PRPF6: variants seen among roughly 807,000 people sequenced by gnomAD.
The protein encoded by PRPF6 is pre-mRNA processing factor 6, also known as pre-mRNA-processing factor 6.
PRPF6 carries 42 observed loss-of-function variants against 118.3 expected under a neutral mutation model. That is an observed-to-expected ratio of 0.35 (90% CI 0.28 to 0.46). The LOEUF (loss-of-function observed/expected upper bound fraction) is 0.46. Among genes scored for constraint, PRPF6 ranks in the 20% least tolerant of loss-of-function variants. PRPF6 has a pLI of 1.00. For synonymous variants in PRPF6, 481 were observed against 485.1 expected, an observed-to-expected ratio of 0.99 and a Z score of 0.11; for missense variants, 662 against 1,255.7, an observed-to-expected ratio of 0.53 and a Z score of 7.15.
chr20:64,021,697 CGT>C lies in PRPF6; in HGVS notation c.1648-1059_1648-1058del, dbSNP rs1240719455. 2.4e-5 allele frequency among the ~76,000 whole-genome samples: 3 copies of C among 125,890 alleles called. No individual in the cohort carries two copies. In the Admixed American group the frequency reaches 2.4e-4, roughly 10 times the overall value. 82.6% of individuals were successfully genotyped at this position (125,890 alleles called of 152,430 possible). On this transcript the variant is annotated intron_variant, in intron 12 of 20. Transcript: ENST00000266079. ...GTGTCTGTGTGTGCGTGTGTGTGCA[CGT>C]ATGCATATGCCTCAGCCACAGCCCC... is the stretch of plus-strand genomic sequence containing the variant.
chr20:63,992,633 T>G (rs1046128293), intron 3 of PRPF6, among the ~76,000 whole-genome samples: 1 of 152,176 alleles, frequency 6.6e-6, no homozygotes, highest in Non-Finnish European at 1.5e-5. Flanking sequence ...CATGTCCAAA[T>G]GGAGGTATTT....
At position 64,011,131 on chromosome 20, in the gene PRPF6, T is replaced by G. The variant is rs1371963119; in HGVS notation, c.1306-154T>G. Among the ~76,000 whole-genome samples, 1 of 152,144 alleles carries G rather than the reference T, an allele frequency of 6.6e-6. No individual in the cohort carries two copies. Among genetic ancestry groups the G allele is most frequent in the Non-Finnish European group, 1.5e-5 (1 of 68,008 alleles). On this transcript the variant is annotated intron_variant, in intron 10 of 20. Transcript: ENST00000266079. This position sits in a 1 kb window ranked among gnomAD's most constrained non-coding sequence, Gnocchi z 6.7. ...AAGGAACAGTTGGTCAGGTGAGAAGTGCTGCTGTGGACACTTCTCAGGCCA... is the reference window on the plus strand; with the variant it reads ...AAGGAACAGTTGGTCAGGTGAGAAGGGCTGCTGTGGACACTTCTCAGGCCA...
At chr20:64,031,114 G>A (rs1353117104) in intron 19 of PRPF6, among the ~76,000 whole-genome samples, 3 of 152,234 alleles carry the variant, frequency 2.0e-5, no homozygotes, top group South Asian at 2.1e-4. Context: ...CAGGCACGGC[G>A]GTGTGAATCC....
intron 14 of PRPF6, among the ~76,000 whole-genome samples, 158 bp from the exon 15 acceptor site, chr20:64,025,781 G>A (rs908010867): frequency 6.6e-6 from 1 of 152,240 alleles, no homozygotes; most frequent in Non-Finnish European, 1.5e-5. Context: ...ACTGGAGTCG[G>A]CTCTGTCATC....
chr20:63,988,583 A>T (rs1031804319), intron 3 of PRPF6, among the ~76,000 whole-genome samples: 1 of 152,148 alleles, frequency 6.6e-6, no homozygotes, highest in African/African-American at 2.4e-5. Context: ...TTATTAACAG[A>T]TAGTGAAAAA....
At chr20:63,983,798 C>T (rs1440461321) in intron 2 of PRPF6, among the ~76,000 whole-genome samples, 1 of 152,014 alleles carries the variant, frequency 6.6e-6, no homozygotes, top group African/African-American at 2.4e-5. Flanking sequence ...GGATTACAGG[C>T]ATGCGCCACC....
intron 20 of PRPF6, 86 bp downstream of exon 20, chr20:64,032,130 C>T (rs1486670183): frequency 6.3e-7 from 1 of 1,596,364 alleles, no homozygotes; most frequent in Non-Finnish European, 8.5e-7. Context: ...TAGGAGGTGG[C>T]CACGGCCAGC....
intron 9 of PRPF6, among the ~76,000 whole-genome samples, chr20:64,007,317 T>G (rs2059194539): frequency 6.6e-6 from 1 of 152,128 alleles, no homozygotes; most frequent in Admixed American, 6.5e-5. Context: ...GGGCTGTTTC[T>G]CAGCAGGAGA....
rs765402454 is a variant in PRPF6 at position 64,027,090 on chromosome 20, A to G, written c.2137A>G (p.Met713Val). Residue 713 changes from methionine to valine, a missense_variant, in exon 16 of 21, where the codon ATG becomes GTG. By Grantham distance (21) the Met-to-Val change is conservative. Transcript: ENST00000266079. The surrounding 1 kb of genome is among the most constrained non-coding windows in gnomAD (Gnocchi z 6.5). Reference protein sequence around the residue: ...RHYEDFPKLWMMKGQIEEQKE... With the variant: ...RHYEDFPKLWVMKGQIEEQKE... ...CTATGAGGACTTCCCCAAGCTGTGG[A>G]TGATGAAGGGGCAGATCGAGGAGCA... The G allele has an allele frequency of 6.2e-7, 1 of 1,614,114 alleles. No homozygotes were observed. The highest frequency in any genetic ancestry group is 8.5e-7 in the Non-Finnish European group (1 of 1,180,030).
At chr20:63,997,383 C>T (rs990014441) in intron 6 of PRPF6, among the ~76,000 whole-genome samples, 6 of 149,534 alleles carry the variant, frequency 4.0e-5, no homozygotes, top group Admixed American at 1.3e-4. Flanking sequence ...CTCCGCCTCT[C>T]GGGTTCAAAT....
Position 63,981,180 on chromosome 20 carries a change from C to T in PRPF6, c.-66C>T. ...TGCATCGGACGTCGAAGCCTAGAGTCTCTGCGTCTTTCCCTCTTCCGCTGC... is the reference window on the plus strand; with the variant it reads ...TGCATCGGACGTCGAAGCCTAGAGTTTCTGCGTCTTTCCCTCTTCCGCTGC... On this transcript the variant is annotated 5_prime_UTR_variant, in exon 1 of 21. Coordinates refer to ENST00000266079, the MANE Select transcript of PRPF6 (RefSeq NM_012469.4). The T allele has an allele frequency of 6.6e-7, 1 of 1,506,014 alleles. No homozygotes were observed. Among genetic ancestry groups the T allele is most frequent in the Non-Finnish European group, 9.1e-7 (1 of 1,103,298 alleles). The allele number at this position is 1,506,014 out of a possible 1,614,324, so 93.3% of individuals were successfully genotyped here.
chr20:63,990,419 T>C (rs570614555), intron 3 of PRPF6, among the ~76,000 whole-genome samples: 1 of 152,210 alleles, frequency 6.6e-6, no homozygotes, highest in South Asian at 2.1e-4. Flanking sequence ...TATTAAATCA[T>C]TGTGCATAAA....
rs187188930 is a variant in PRPF6, at chr20:64,020,288, C to T, written c.1648-2469C>T. Among the ~76,000 whole-genome samples, 883 of 152,204 alleles carry T rather than the reference C, an allele frequency of 5.8e-3. 13 individuals carry two copies. The highest frequency in any genetic ancestry group is 0.02 in the African/African-American group (832 of 41,528). ...GAAATTAGCTGGGTGTGGTGGCAGGCGCTTGTAATCCCAGCTACTTGGGAG... is the reference window on the plus strand; with the variant it reads ...GAAATTAGCTGGGTGTGGTGGCAGGTGCTTGTAATCCCAGCTACTTGGGAG... On this transcript the variant is annotated intron_variant, in intron 12 of 20. Coordinates refer to ENST00000266079, the MANE Select transcript of PRPF6 (RefSeq NM_012469.4).
intron 9 of PRPF6, among the ~76,000 whole-genome samples, chr20:64,003,208 C>T (rs1356399664): frequency 6.6e-6 from 1 of 152,210 alleles, no homozygotes; most frequent in Non-Finnish European, 1.5e-5. Context: ...TCCCAGAGAG[C>T]TGGGATTACA....
In PRPF6 at chr20:64,028,135, G is replaced by A. The variant is rs562747108; in HGVS notation, c.2340-343G>A. On this transcript the variant is annotated intron_variant, in intron 17 of 20. Transcript: ENST00000266079. The surrounding 1 kb of genome is among the most constrained non-coding windows in gnomAD (Gnocchi z 6.5). ...GGTGCTGCGTCCAGCTCAGGGTGAC[G>A]GGGCTGGAGCACTGTGCAGGCACTG... Among the ~76,000 whole-genome samples, 6 of 152,292 alleles carry A rather than the reference G, an allele frequency of 3.9e-5. No homozygotes were observed. Among genetic ancestry groups the A allele is most frequent in the Admixed American group, 1.3e-4 (2 of 15,310 alleles).
chr20:64,028,674 C>G lies in PRPF6; in HGVS notation c.2431+105C>G. The G allele has an allele frequency of 8.0e-7, 1 of 1,245,802 alleles. No individual in the cohort carries two copies. Among genetic ancestry groups the G allele is most frequent in the Non-Finnish European group, 1.1e-6 (1 of 878,224 alleles). 77.2% of individuals were successfully genotyped at this position (1,245,802 alleles called of 1,614,324 possible). A position where few individuals can be genotyped will look rare whatever the true frequency, so the allele number is the denominator to read the frequency against. On this transcript the variant is annotated intron_variant, in intron 18 of 20. Transcript: ENST00000266079. The surrounding 1 kb of genome is among the most constrained non-coding windows in gnomAD (Gnocchi z 6.5). ...TCCTGGCTTCCCAGACTCCGCAGGG[C>G]TGGCACTTCCTGAGGGAGTGGGGGC...
chr20:64,022,805 G>A lies in PRPF6; in HGVS notation c.1696G>A (p.Ala566Thr), dbSNP rs765733703. Residue 566 changes from alanine (A) to threonine (T), a missense_variant, in exon 13 of 21, where the codon GCC (alanine) becomes ACC (threonine). Transcript: ENST00000266079. ...GTGTGCACGAGCCATCTACGCCTAC[G>A]CCCTGCAGGTGTTCCCCAGCAAGAA... ...LECARAIYAYALQVFPSKKSV... is the reference protein window; with the variant it reads ...LECARAIYAYTLQVFPSKKSV... The A allele has an allele frequency of 5.0e-6, 8 of 1,613,976 alleles. No individual in the cohort carries two copies. The highest frequency in any genetic ancestry group is 3.3e-5 in the Admixed American group (2 of 60,004).
intron 2 of PRPF6, among the ~76,000 whole-genome samples, chr20:63,984,283 T>C (rs989545177): frequency 3.3e-5 from 5 of 152,070 alleles, no homozygotes; most frequent in African/African-American, 1.2e-4. Context: ...TAGCCGGGCA[T>C]GGTGGCATGT....
chr20:63,998,064 C>G (rs769146438), intron 6 of PRPF6, among the ~76,000 whole-genome samples: 1 of 152,024 alleles, frequency 6.6e-6, no homozygotes, highest in Non-Finnish European at 1.5e-5. Flanking sequence ...GTCAGAGACC[C>G]TGCTTTCTAT....
Sources: gnomAD v4.1 joint callset for allele counts (sites outside exome capture counted in the v4.1 genomes callset) on GRCh38, gnomAD v4.1.1 for gene constraint, Gnocchi (gnomAD v3.1) non-coding constraint, MANE v1.5 for transcripts, NCBI Gene and HGNC (gene_info 2026-07-23, HGNC 2026-07-21) for gene names.